VAV3: variants seen among roughly 807,000 people sequenced by gnomAD.
VAV3 encodes guanine nucleotide exchange factor VAV3.
Under a neutral mutation model 131.2 loss-of-function variants are expected in VAV3, and 94 were observed. That is an observed-to-expected ratio of 0.72 (90% CI 0.61 to 0.85). The LOEUF (loss-of-function observed/expected upper bound fraction) is 0.85. Ranked by LOEUF, VAV3 falls within the 40% of genes least tolerant of loss-of-function variation. VAV3 has a pLI of 0.00. For synonymous variants in VAV3, 349 were observed against 342.0 expected, an observed-to-expected ratio of 1.02 and a Z score of -0.22; for missense variants, 939 against 1,002.7, an observed-to-expected ratio of 0.94 and a Z score of 0.86.
chr1:107,785,172 G>A (rs952555806), intron 2 of VAV3, among the ~76,000 whole-genome samples: 1 of 152,150 alleles, frequency 6.6e-6, no homozygotes, highest in African/African-American at 2.4e-5. Context: ...GCACATTAGT[G>A]CTGTTGATGT....
At chr1:107,739,107 C>T (rs1251023765) in intron 15 of VAV3, among the ~76,000 whole-genome samples, 1 of 152,160 alleles carries the variant, frequency 6.6e-6, no homozygotes, top group South Asian at 2.1e-4. Flanking sequence ...CGATATCATC[C>T]TTTGCTCTTC....
At chr1:107,783,724 C>T (rs573590781) in intron 2 of VAV3, among the ~76,000 whole-genome samples, 17 of 152,210 alleles carry the variant, frequency 1.1e-4, no homozygotes, top group African/African-American at 3.6e-4. Flanking sequence ...GCATCTATCA[C>T]CTCATTTAAA....
intron 20 of VAV3, among the ~76,000 whole-genome samples, chr1:107,636,232 G>A (rs1029297858): frequency 5.9e-5 from 9 of 152,218 alleles, no homozygotes; most frequent in African/African-American, 1.9e-4. Flanking sequence ...CTGGAGGTGA[G>A]ATCAGTTAGA....
intron 1 of VAV3, among the ~76,000 whole-genome samples, chr1:107,904,958 C>T (rs763712460): frequency 3.3e-5 from 5 of 152,052 alleles, no homozygotes; most frequent in African/African-American, 4.8e-5. Flanking sequence ...TAAGCAAATG[C>T]TTGAAGTAAA....
At chr1:107,897,270 T>A (rs1213403347) in intron 1 of VAV3, 3 of 151,012 alleles carry the variant, frequency 2.0e-5, no homozygotes, top group African/African-American at 7.3e-5. Context: ...TACTTTCATA[T>A]GTAGGCATAT....
intron 2 of VAV3, among the ~76,000 whole-genome samples, chr1:107,845,455 G>A (rs144238953): frequency 0.011 from 1,637 of 152,212 alleles, 31 homozygotes; most frequent in African/African-American, 0.038. Context: ...TGAGTTTGAC[G>A]AATTGACAGA....
chr1:107,909,329 TGTCATATA>T (rs1382466270), intron 1 of VAV3, among the ~76,000 whole-genome samples: 3 of 148,454 alleles, frequency 2.0e-5, no homozygotes, highest in Non-Finnish European at 4.5e-5. Context: ...CAAAAGCAAC[TGTCATATA>T]AGTAAAAAAA....
chr1:107,946,324 A>C (rs763643979), intron 1 of VAV3, among the ~76,000 whole-genome samples: 108 of 152,228 alleles, frequency 7.1e-4, no homozygotes, highest in Non-Finnish European at 8.5e-4. Flanking sequence ...CCCATTTTAC[A>C]GATGAGAAAA....
chr1:107,790,900 C>T (rs1666257786), intron 2 of VAV3, among the ~76,000 whole-genome samples: 1 of 151,908 alleles, frequency 6.6e-6, no homozygotes, highest in African/African-American at 2.4e-5. Flanking sequence ...GTTGGTCAGG[C>T]TGGTCTCAAA....
intron 25 of VAV3, among the ~76,000 whole-genome samples, chr1:107,594,895 TG>T (rs1651249698): frequency 6.6e-6 from 1 of 152,130 alleles, no homozygotes; most frequent in African/African-American, 2.4e-5. Context: ...TTCATCTAAC[TG>T]ACCTCCCTGG....
chr1:107,646,579 TTTAA>T (rs1167333901), intron 19 of VAV3, among the ~76,000 whole-genome samples: 1 of 152,042 alleles, frequency 6.6e-6, no homozygotes, highest in South Asian at 2.1e-4. Context: ...CTGCCAGATG[TTTAA>T]TTATTTTACC....
chr1:107,792,297 T>C (rs951645133), intron 2 of VAV3, among the ~76,000 whole-genome samples: 29 of 152,210 alleles, frequency 1.9e-4, no homozygotes, highest in Admixed American at 1.4e-3. Flanking sequence ...AGTGTTAAAA[T>C]ACATTAAGTA....
chr1:107,890,145 T>C (rs991603915), intron 1 of VAV3, among the ~76,000 whole-genome samples: 1 of 152,188 alleles, frequency 6.6e-6, no homozygotes, highest in African/African-American at 2.4e-5. Context: ...AATCACCGTA[T>C]CAGCAAGAAG....
At chr1:107,836,464 C>T (rs1268684552) in intron 2 of VAV3, among the ~76,000 whole-genome samples, 2 of 151,996 alleles carry the variant, frequency 1.3e-5, no homozygotes, top group Non-Finnish European at 2.9e-5. Context: ...ATGCCTACAT[C>T]AAAAAGTTTA....
intron 25 of VAV3, among the ~76,000 whole-genome samples, chr1:107,590,735 G>T (rs139010754): frequency 8.5e-4 from 129 of 152,164 alleles, no homozygotes; most frequent in African/African-American, 3.0e-3. Context: ...GTACTAATTT[G>T]ATTTCAAATC....
chr1:107,761,698 T>C (rs895094818), intron 9 of VAV3, among the ~76,000 whole-genome samples: 1 of 152,178 alleles, frequency 6.6e-6, no homozygotes, highest in Admixed American at 6.5e-5. Context: ...ACAATCACAA[T>C]TGGGTGTACT....
At chr1:107,845,828 T>A (rs1557879144) in intron 2 of VAV3, among the ~76,000 whole-genome samples, 17 of 152,128 alleles carry the variant, frequency 1.1e-4, no homozygotes. Context: ...ATTTGATTGG[T>A]GTACCTGAAA....
intron 8 of VAV3, 119 bp downstream of exon 8, chr1:107,766,328 A>T (rs1016194303): frequency 1.5e-5 from 10 of 648,716 alleles, no homozygotes; most frequent in Non-Finnish European, 2.7e-5. Flanking sequence ...CCACGTTCTA[A>T]TTACTGCTCA....
intron 12 of VAV3, among the ~76,000 whole-genome samples, chr1:107,754,656 C>G (rs1055898856): frequency 2.0e-5 from 3 of 152,194 alleles, no homozygotes; most frequent in South Asian, 4.1e-4. Context: ...GCCTACAAGG[C>G]TGTGTTATGT....
Sources: allele counts gnomAD v4.1 joint callset (sites outside exome capture counted in the v4.1 genomes callset), GRCh38; gene constraint gnomAD v4.1.1; transcripts MANE v1.5; gene names NCBI Gene and HGNC (gene_info 2026-07-23, HGNC 2026-07-21).